SLC10A7: variants seen among roughly 807,000 people sequenced by gnomAD.
SLC10A7 encodes the protein sodium/bile acid cotransporter 7.
SLC10A7 carries 29 observed loss-of-function variants against 43.2 expected under a neutral mutation model. The ratio of observed to expected loss-of-function variants is 0.67; its 90% confidence interval spans 0.50 to 0.92. SLC10A7 has a LOEUF of 0.92. Among genes scored for constraint, SLC10A7 ranks in the 40% least tolerant of loss-of-function variants. SLC10A7 has a pLI of 0.00. For missense variants in SLC10A7, 295 were observed against 403.2 expected (o/e 0.73, Z 2.30); for synonymous variants, 152 against 144.8 (o/e 1.05, Z -0.35).
chr4:146,467,553 T>G (rs1221091526), intron 4 of SLC10A7, among the ~76,000 whole-genome samples: 2 of 132,660 alleles, frequency 1.5e-5, no homozygotes, highest in South Asian at 2.5e-4. Flanking sequence ...TTTTCTTTTT[T>G]CTTTCTCTCT....
chr4:146,370,330 T>C (rs1202094035), intron 5 of SLC10A7, among the ~76,000 whole-genome samples: 1 of 152,218 alleles, frequency 6.6e-6, no homozygotes. Flanking sequence ...ACATTCTCAT[T>C]TGGCCATCTT....
At chr4:146,454,278 T>C (rs1228813826) in intron 4 of SLC10A7, among the ~76,000 whole-genome samples, 1 of 152,030 alleles carries the variant, frequency 6.6e-6, no homozygotes, top group African/African-American at 2.4e-5. Flanking sequence ...AACATTTTGA[T>C]TGCATCCTCC....
At chr4:146,423,869 C>T (rs73852848) in intron 5 of SLC10A7, among the ~76,000 whole-genome samples, 2,574 of 152,174 alleles carry the variant, frequency 0.017, 84 homozygotes, top group African/African-American at 0.059. Context: ...TAGGCATCTG[C>T]CAAAATTTAT....
intron 5 of SLC10A7, among the ~76,000 whole-genome samples, chr4:146,417,731 A>AT (rs1728674332): frequency 6.6e-6 from 1 of 152,218 alleles, no homozygotes; most frequent in African/African-American, 2.4e-5. Context: ...TGCACAAAAC[A>AT]TATCACTATG....
At chr4:146,356,930 C>T (rs1023309848) in intron 5 of SLC10A7, among the ~76,000 whole-genome samples, 4 of 152,074 alleles carry the variant, frequency 2.6e-5, no homozygotes, top group African/African-American at 7.2e-5. Flanking sequence ...TACAGTATAC[C>T]TTTATTGAAA....
chr4:146,379,764 T>C (rs181810790), intron 5 of SLC10A7, among the ~76,000 whole-genome samples: 36 of 152,338 alleles, frequency 2.4e-4, no homozygotes, highest in Admixed American at 4.6e-4. Context: ...TACTCTTTCA[T>C]TGAGTATTTC....
chr4:146,517,228 C>T (rs1330132024), intron 1 of SLC10A7, 108 bp from the exon 2 acceptor site: 12 of 799,162 alleles, frequency 1.5e-5, no homozygotes, highest in African/African-American at 3.5e-5. Context: ...TTTGGGAGGC[C>T]GAGGCGAGTA....
At chr4:146,373,907 TGGAG>T (rs1278628809) in intron 5 of SLC10A7, among the ~76,000 whole-genome samples, 1 of 152,154 alleles carries the variant, frequency 6.6e-6, no homozygotes, top group African/African-American at 2.4e-5. Context: ...GTTCTGGTGA[TGGAG>T]ATGAGGAAAT....
intron 6 of SLC10A7, among the ~76,000 whole-genome samples, chr4:146,310,797 G>A (rs746148196): frequency 4.9e-4 from 74 of 152,190 alleles, no homozygotes; most frequent in Non-Finnish European, 9.9e-4. Flanking sequence ...GACAGAGACA[G>A]AATCTAAACC....
intron 5 of SLC10A7, among the ~76,000 whole-genome samples, chr4:146,401,499 G>A (rs1033432802): frequency 2.0e-5 from 3 of 152,144 alleles, no homozygotes; most frequent in African/African-American, 7.2e-5. Flanking sequence ...CCACACTGGT[G>A]AGAGACGGAA....
At chr4:146,512,734 T>C (rs1042711202) in intron 2 of SLC10A7, among the ~76,000 whole-genome samples, 4 of 152,190 alleles carry the variant, frequency 2.6e-5, no homozygotes, top group East Asian at 1.9e-4. Context: ...ACATATATCA[T>C]TTGACCTAGC....
chr4:146,303,976 C>T (rs776193306), intron 7 of SLC10A7, among the ~76,000 whole-genome samples: 1 of 151,498 alleles, frequency 6.6e-6, no homozygotes. Flanking sequence ...AATCTAGTTG[C>T]TCTTAATGTA....
At chr4:146,398,321 A>T (rs1406399748) in intron 5 of SLC10A7, among the ~76,000 whole-genome samples, 3 of 152,244 alleles carry the variant, frequency 2.0e-5, no homozygotes, top group Non-Finnish European at 4.4e-5. Context: ...ATACATACAC[A>T]GAAAATGAAT....
chr4:146,493,464 C>T (rs1428567444), intron 4 of SLC10A7, among the ~76,000 whole-genome samples: 1 of 145,244 alleles, frequency 6.9e-6, no homozygotes, highest in African/African-American at 2.6e-5. Flanking sequence ...CCAGCCTGGG[C>T]AACAGTGCGA....
intron 10 of SLC10A7, among the ~76,000 whole-genome samples, chr4:146,263,272 C>T (rs1430321034): frequency 6.6e-6 from 1 of 152,230 alleles, no homozygotes; most frequent in African/African-American, 2.4e-5. Context: ...GCCTCACCTT[C>T]GCTACCCTTA....
At chr4:146,432,850 C>T (rs1043041319) in intron 5 of SLC10A7, among the ~76,000 whole-genome samples, 3 of 151,896 alleles carry the variant, frequency 2.0e-5, no homozygotes, top group East Asian at 2.0e-4. Flanking sequence ...CCATCCTGGC[C>T]AACATGGTGA....
intron 5 of SLC10A7, among the ~76,000 whole-genome samples, chr4:146,372,885 T>A (rs1411173722): frequency 6.6e-6 from 1 of 152,210 alleles, no homozygotes; most frequent in Non-Finnish European, 1.5e-5. Context: ...TATGAAATAA[T>A]AAATCCAAGT....
intron 5 of SLC10A7, among the ~76,000 whole-genome samples, chr4:146,364,965 T>C (rs1736295803): frequency 6.6e-6 from 1 of 152,040 alleles, no homozygotes; most frequent in Non-Finnish European, 1.5e-5. Flanking sequence ...AGAAGCCCCT[T>C]CCATTTCCTT....
intron 5 of SLC10A7, among the ~76,000 whole-genome samples, chr4:146,428,653 T>C (rs1729546260): frequency 6.6e-6 from 1 of 152,118 alleles, no homozygotes; most frequent in Admixed American, 6.5e-5. Flanking sequence ...CTTATATTTT[T>C]ACTTCTTCTT....
Sources: gnomAD v4.1 joint callset for allele counts (sites outside exome capture counted in the v4.1 genomes callset) on GRCh38, gnomAD v4.1.1 for gene constraint, MANE v1.5 for transcripts, NCBI Gene and HGNC (gene_info 2026-07-23, HGNC 2026-07-21) for gene names.